The following MTOR variants were observed in gnomAD, a reference collection of about 807,000 sequenced individuals.
The protein encoded by MTOR is mechanistic target of rapamycin kinase.
MTOR carries 70 observed loss-of-function variants against 319.8 expected under a neutral mutation model. That is an observed-to-expected ratio of 0.22 (90% CI 0.18 to 0.27). MTOR has a LOEUF of 0.27. MTOR is among the 10% of genes least tolerant of loss of function. The pLI is 1.00. For missense variants in MTOR, 1,890 were observed against 3,274.4 expected (o/e 0.58, Z 10.32); for synonymous variants, 1,183 against 1,211.4 (o/e 0.98, Z 0.49).
intron 1 of MTOR, 128 bp from the exon 2 acceptor site, chr1:11,259,551 G>A: frequency 1.0e-6 from 1 of 1,003,894 alleles, no homozygotes; most frequent in Non-Finnish European, 1.4e-6. Context: ...AAAAGGTTGA[G>A]AGATCTGATT....
chr1:11,127,516 G>C lies in MTOR; in HGVS notation c.6216+108C>G. 1 of 1,309,972 alleles carries C rather than the reference G, an allele frequency of 7.6e-7. No homozygotes were observed. Among genetic ancestry groups the C allele is most frequent in the Non-Finnish European group, 1.0e-6 (1 of 960,904 alleles). 81.1% of individuals were successfully genotyped at this position (1,309,972 alleles called of 1,614,324 possible). On this transcript the variant is annotated intron_variant, in intron 44 of 57. Transcript: ENST00000361445. This position sits in a 1 kb window ranked among gnomAD's most constrained non-coding sequence, Gnocchi z 5.5. ...CCAGAGGAAAAGAAATCTGACAAAG[G>C]CCTTGGGTCACGTCCTTTCATTCTA... is the stretch of plus-strand genomic sequence containing the variant.
chr1:11,219,474 T>C (rs2100818372), intron 19 of MTOR, among the ~76,000 whole-genome samples: 1 of 152,244 alleles, frequency 6.6e-6, no homozygotes, highest in Admixed American at 6.5e-5. Context: ...AAATTAAAGT[T>C]CTCATGGACC....
At chr1:11,150,957 T>C (rs1353535123) in intron 30 of MTOR, among the ~76,000 whole-genome samples, 2 of 152,204 alleles carry the variant, frequency 1.3e-5, no homozygotes, top group African/African-American at 4.8e-5. Context: ...CCTGATTTCA[T>C]GTGAGCTTCA....
intron 29 of MTOR, among the ~76,000 whole-genome samples, chr1:11,163,690 A>G (rs982366479): frequency 5.3e-5 from 8 of 152,252 alleles, no homozygotes; most frequent in Admixed American, 6.5e-5. Context: ...ACTACTGGGT[A>G]CATAATGAAA....
chr1:11,128,440 G>C lies in MTOR; in HGVS notation c.5910+14C>G, dbSNP rs1269409041. 1 of 1,612,436 alleles carries C rather than the reference G, an allele frequency of 6.2e-7. No individual in the cohort carries two copies. The highest frequency in any genetic ancestry group is 8.5e-7 in the Non-Finnish European group (1 of 1,178,678). ...CAGTGGTTAGATGAGAAACTGCCCA[G>C]AGTCTCCACATACCTGGGGGTGGTA... On this transcript the variant is annotated intron_variant, in intron 42 of 57. Transcript: ENST00000361445. The surrounding 1 kb of genome is among the most constrained non-coding windows in gnomAD (Gnocchi z 5.3).
intron 34 of MTOR, among the ~76,000 whole-genome samples, chr1:11,141,707 C>T (rs1473498077): frequency 4.1e-5 from 6 of 147,950 alleles, no homozygotes; most frequent in Non-Finnish European, 7.5e-5. Context: ...AGAAAAAAGG[C>T]GGGGCACGGT....
At chr1:11,250,031 G>T (rs1415532922) in intron 6 of MTOR, among the ~76,000 whole-genome samples, 17 of 136,910 alleles carry the variant, frequency 1.2e-4, no homozygotes, top group South Asian at 2.6e-4. Flanking sequence ...GGACGGGGTG[G>T]CTGGCCGGGC....
At chr1:11,153,609 C>A (rs574278312) in intron 30 of MTOR, among the ~76,000 whole-genome samples, 24 of 152,112 alleles carry the variant, frequency 1.6e-4, no homozygotes, top group Non-Finnish European at 3.1e-4. Context: ...TATTAACATA[C>A]TTTTCTTTTG....
At chr1:11,111,975 C>G (rs558385055) in intron 54 of MTOR, among the ~76,000 whole-genome samples, 1 of 151,496 alleles carries the variant, frequency 6.6e-6, no homozygotes, top group African/African-American at 2.4e-5. Context: ...AACAAACAAA[C>G]AAACAAAAAA....
At chr1:11,203,277 A>T (rs982901438) in intron 26 of MTOR, among the ~76,000 whole-genome samples, 4 of 152,246 alleles carry the variant, frequency 2.6e-5, no homozygotes, top group African/African-American at 9.6e-5. Context: ...AAAGATGTCT[A>T]AAGTGATGAA....
At chr1:11,246,916 T>TA (rs1183563470) in intron 8 of MTOR, among the ~76,000 whole-genome samples, 1 of 152,230 alleles carries the variant, frequency 6.6e-6, no homozygotes, top group Non-Finnish European at 1.5e-5. Flanking sequence ...TTTCCACTTA[T>TA]TAGGGCTCTG....
Position 11,182,191 on chromosome 1 carries a change from T to C in MTOR, c.4254-14674A>G, listed in dbSNP as rs542641726. ...GAGATTGCGCCACTGCGCTCCAGCC[T>C]GGGCAATAAGAGCGAAACTCCATCT... On this transcript the variant is annotated intron_variant, in intron 28 of 57. Transcript: ENST00000361445. Among the ~76,000 whole-genome samples the C allele has an allele frequency of 8.6e-5, 13 of 150,458 alleles. No homozygotes were observed. The South Asian group carries it at 2.3e-3, about 27-fold the overall frequency.
intron 28 of MTOR, among the ~76,000 whole-genome samples, chr1:11,187,639 C>T (rs1030191199): frequency 2.0e-5 from 3 of 152,212 alleles, no homozygotes; most frequent in African/African-American, 7.2e-5. Flanking sequence ...CATAGCACTT[C>T]TGTGGCATGT....
At chr1:11,130,082 G>A (rs1643038836) in intron 39 of MTOR, among the ~76,000 whole-genome samples, 1 of 152,210 alleles carries the variant, frequency 6.6e-6, no homozygotes. Flanking sequence ...GGGAGGAGGT[G>A]GAGCTGAGGC....
chr1:11,119,439 C>CG (rs1430039043), intron 49 of MTOR, among the ~76,000 whole-genome samples: 1 of 151,534 alleles, frequency 6.6e-6, no homozygotes, highest in East Asian at 1.9e-4. Context: ...GGCATGGAGG[C>CG]GGGTGCCTGT....
At chr1:11,167,094 G>A (rs1038682924) in intron 29 of MTOR, among the ~76,000 whole-genome samples, 9 of 152,138 alleles carry the variant, frequency 5.9e-5, no homozygotes, top group African/African-American at 1.9e-4. Flanking sequence ...GGGGCCTGTC[G>A]TGGAGTGTGG....
At chr1:11,219,980 C>A (rs183240880) in intron 19 of MTOR, among the ~76,000 whole-genome samples, 11 of 148,230 alleles carry the variant, frequency 7.4e-5, no homozygotes, top group Non-Finnish European at 1.5e-4. Flanking sequence ...TTGCAGTTAA[C>A]CGAGATCGTA....
chr1:11,130,477 CAG>C, intron 39 of MTOR, 50 bp downstream of exon 39: 3 of 1,582,808 alleles, frequency 1.9e-6, no homozygotes, highest in Non-Finnish European at 2.6e-6. Flanking sequence ...TTCCATTTCT[CAG>C]AGAGCCTGGC....
intron 13 of MTOR, among the ~76,000 whole-genome samples, chr1:11,236,509 G>A (rs1045397757): frequency 1.3e-4 from 16 of 124,014 alleles, no homozygotes; most frequent in Admixed American, 1.6e-4. Flanking sequence ...GTGATTTCAC[G>A]TTTTTTTTTT....
Sources: gnomAD v4.1 joint callset for allele counts (sites outside exome capture counted in the v4.1 genomes callset) on GRCh38, gnomAD v4.1.1 for gene constraint, Gnocchi (gnomAD v3.1) non-coding constraint, MANE v1.5 for transcripts, NCBI Gene and HGNC (gene_info 2026-07-23, HGNC 2026-07-21) for gene names.